VWA3A: variants seen among roughly 807,000 people sequenced by gnomAD.
VWA3A encodes von Willebrand factor A domain containing 3A.
In VWA3A, 134 loss-of-function variants were observed where a neutral mutation model predicts 160.4. The ratio of observed to expected loss-of-function variants is 0.84; its 90% CI spans 0.73 to 0.96. The LOEUF (loss-of-function observed/expected upper bound fraction) is 0.96, where lower values mean the gene tolerates loss of function less well. Among genes scored for constraint, VWA3A ranks in the 40% least tolerant of loss-of-function variants. The probability of loss-of-function intolerance (pLI) is 0.00; values close to 1 mark genes in which losing one functional copy is unlikely to be tolerated. For missense variants in VWA3A, 1,310 were observed against 1,447.9 expected (o/e 0.90, Z 1.55); for synonymous variants, 476 against 543.4 (o/e 0.88, Z 1.72).
At chr16:22,123,293 C>T in intron 15 of VWA3A, 128 bp downstream of exon 15, 2 of 1,103,028 alleles carry the variant, frequency 1.8e-6, no homozygotes, top group Non-Finnish European at 2.6e-6. Context: ...CTGTGTGCTC[C>T]ACCTACAGGC....
intron 20 of VWA3A, 74 bp downstream of exon 20, chr16:22,133,169 C>T: frequency 4.1e-6 from 6 of 1,454,436 alleles, no homozygotes; most frequent in South Asian, 1.3e-5. Flanking sequence ...TCCCTTAGAC[C>T]ACAGATGTAT....
At chr16:22,138,543 G>A in intron 22 of VWA3A, 31 bp downstream of exon 22, 2 of 1,612,556 alleles carry the variant, frequency 1.2e-6, no homozygotes, top group Admixed American at 1.7e-5. Context: ...ACACGCAGAA[G>A]ATTTGGTTTC....
chr16:22,123,480 G>T (rs1397384562), intron 15 of VWA3A, 133 bp from the exon 16 acceptor site: 1 of 1,573,036 alleles, frequency 6.4e-7, no homozygotes, highest in African/African-American at 1.3e-5. Context: ...TTAGTGGAAT[G>T]ATTATACTGC....
At chr16:22,149,384 G>A (rs747019088) in intron 28 of VWA3A, among the ~76,000 whole-genome samples, 14 of 152,126 alleles carry the variant, frequency 9.2e-5, no homozygotes, top group East Asian at 1.9e-4. Flanking sequence ...GACTACAGGC[G>A]CACACCACCA....
chr16:22,121,105 T>C lies in VWA3A; in HGVS notation c.1252+2T>C, dbSNP rs778119179. ...GGCTTAAGGTCAATGGTCTGAAAGGTAAATCTCCAAAGAGGGCAGAACCCA... is the reference window on the plus strand; with the variant it reads ...GGCTTAAGGTCAATGGTCTGAAAGGCAAATCTCCAAAGAGGGCAGAACCCA... On this transcript the variant is annotated splice_donor_variant, in intron 13 of 33. Coordinates refer to ENST00000389398, the MANE Select transcript of VWA3A (RefSeq NM_173615.5). LOFTEE classifies it high-confidence loss of function. 4 of 1,613,718 alleles carry C rather than the reference T, an allele frequency of 2.5e-6. No individual in the cohort carries two copies. The South Asian group carries it at 4.4e-5, about 18-fold the overall frequency.
intron 22 of VWA3A, among the ~76,000 whole-genome samples, chr16:22,139,866 T>G (rs1054789155): frequency 2.0e-5 from 3 of 151,944 alleles, no homozygotes; most frequent in Non-Finnish European, 4.4e-5. Context: ...CACTAGCAGC[T>G]CTCTCACTCT....
Position 22,134,381 on chromosome 16 carries a change from C to G in VWA3A, c.2082C>G (p.Ser694Arg). The G allele has an allele frequency of 1.3e-6, 2 of 1,598,716 alleles. No individual in the cohort carries two copies. The highest frequency in any genetic ancestry group is 1.7e-5 in the Admixed American group (1 of 57,910). Reference sequence around the variant, plus strand: ...CTTTGTTTCCAGGCATTTATGAGAGCGATGACATCAACTCCATCATGTCTG... The same window carrying G: ...CTTTGTTTCCAGGCATTTATGAGAGGGATGACATCAACTCCATCATGTCTG... ...HWFGDTGIYE[S>R]DDINSIMSEM... The change falls in exon 21 of 34, where the codon AGC (serine) becomes AGG (arginine). Residue 694 changes from serine to arginine, a missense_variant. Coordinates refer to ENST00000389398, the MANE Select transcript of VWA3A (RefSeq NM_173615.5).
intron 17 of VWA3A, among the ~76,000 whole-genome samples, chr16:22,129,652 C>T (rs1429499411): frequency 1.3e-5 from 2 of 151,970 alleles, no homozygotes; most frequent in Admixed American, 6.6e-5. Flanking sequence ...GGGTTTTGAG[C>T]CATCAGCATT....
intron 1 of VWA3A, among the ~76,000 whole-genome samples, chr16:22,093,690 A>G (rs1298347298): frequency 1.3e-5 from 2 of 152,198 alleles, no homozygotes; most frequent in African/African-American, 4.8e-5. Context: ...TGATAACAGC[A>G]TTGAAGTAGG....
intron 6 of VWA3A, among the ~76,000 whole-genome samples, chr16:22,103,741 G>A (rs1439723764): frequency 1.3e-5 from 2 of 152,186 alleles, no homozygotes; most frequent in Admixed American, 1.3e-4. Context: ...GCTTTCCTGA[G>A]TTGGTTTTAT....
intron 21 of VWA3A, among the ~76,000 whole-genome samples, chr16:22,135,029 A>G (rs2046015185): frequency 6.6e-6 from 1 of 152,228 alleles, no homozygotes; most frequent in Non-Finnish European, 1.5e-5. Flanking sequence ...CAGCCTCAGC[A>G]ACACGGTGAA....
chr16:22,144,220 A>T (rs565952517), intron 25 of VWA3A, 27 bp from the exon 26 acceptor site: 2 of 1,595,858 alleles, frequency 1.3e-6, no homozygotes, highest in African/African-American at 2.7e-5. Flanking sequence ...ATTGCCTAAG[A>T]TAATAGTTCT....
At chr16:22,137,344 A>G (rs1598092642) in intron 21 of VWA3A, among the ~76,000 whole-genome samples, 1 of 152,320 alleles carries the variant, frequency 6.6e-6, no homozygotes, top group African/African-American at 2.4e-5. Context: ...TTAGTCTGCC[A>G]GCATCTGGAA....
intron 14 of VWA3A, among the ~76,000 whole-genome samples, chr16:22,122,851 G>A (rs2045769315): frequency 6.6e-6 from 1 of 152,040 alleles, no homozygotes; most frequent in African/African-American, 2.4e-5. Context: ...TCCATTCAGG[G>A]GATCACTCTC....
chr16:22,113,388 T>TTTTTTTTTG (rs2045584734), intron 8 of VWA3A, among the ~76,000 whole-genome samples: 2 of 123,918 alleles, frequency 1.6e-5, no homozygotes, highest in African/African-American at 3.6e-5. Context: ...TTTTTTTTTT[T>TTTTTTTTTG]TTTTTTTTGT....
At position 22,126,245 on chromosome 16, in the gene VWA3A, C is replaced by T. The variant is rs370995399; in HGVS notation, c.1600C>T (p.Arg534Trp). ...CATTATTCATATCCAGCACTCCCTGCGGCTGCTGCTGGAGGAGCAGTTATC... is the reference window on the plus strand; with the variant it reads ...CATTATTCATATCCAGCACTCCCTGTGGCTGCTGCTGGAGGAGCAGTTATC... ...MYIIHIQHSL[R>W]LLLEEQLSNK... is the part of the protein sequence containing the mutation. Residue 534 changes from arginine (R) to tryptophan (W), a missense_variant, in exon 17 of 34, where the codon CGG becomes TGG. Coordinates refer to ENST00000389398, the MANE Select transcript of VWA3A (RefSeq NM_173615.5). 2.6e-5 allele frequency: 42 copies of T among 1,613,820 alleles called. No homozygotes were observed. The highest frequency in any genetic ancestry group is 1.6e-4 in the Middle Eastern group (1 of 6,084).
chr16:22,134,260 C>T, intron 20 of VWA3A, 108 bp from the exon 21 acceptor site: 1 of 860,218 alleles, frequency 1.2e-6, no homozygotes, highest in East Asian at 2.8e-5. Flanking sequence ...AGCCACCATT[C>T]CCAGCCCTCA....
intron 9 of VWA3A, 80 bp downstream of exon 9, chr16:22,115,552 CT>C: frequency 6.9e-7 from 1 of 1,457,018 alleles, no homozygotes; most frequent in Non-Finnish European, 9.1e-7. Context: ...AAAAGATTGG[CT>C]TGTCACAGTG....
intron 16 of VWA3A, among the ~76,000 whole-genome samples, chr16:22,125,684 G>C (rs1034687754): frequency 3.3e-5 from 5 of 151,964 alleles, no homozygotes; most frequent in Admixed American, 2.0e-4. Flanking sequence ...CGGCCTCCCA[G>C]AGTGCTGGGA....
Sources: gnomAD v4.1 joint callset for allele counts (sites outside exome capture counted in the v4.1 genomes callset) on GRCh38, gnomAD v4.1.1 for gene constraint, MANE v1.5 for transcripts, NCBI Gene and HGNC (gene_info 2026-07-23, HGNC 2026-07-21) for gene names.